The following CDK17 variants were observed in gnomAD, a reference collection of about 807,000 sequenced individuals.
CDK17 encodes cyclin-dependent kinase 17.
A neutral mutation model predicts 77.6 loss-of-function variants in CDK17; 24 were observed. That is an observed-to-expected ratio of 0.31 (90% CI 0.22 to 0.44). CDK17 has a LOEUF of 0.44. Ranked by LOEUF, CDK17 falls within the 20% of genes least tolerant of loss-of-function variation. The pLI is 1.00. For missense variants in CDK17, 429 were observed against 622.5 expected, an observed-to-expected ratio of 0.69 and a Z score of 3.31; for synonymous variants, 203 against 210.4, an observed-to-expected ratio of 0.96 and a Z score of 0.30.
chr12:96,307,371 G>T (rs957749941), intron 5 of CDK17, among the ~76,000 whole-genome samples: 1 of 151,944 alleles, frequency 6.6e-6, no homozygotes, highest in African/African-American at 2.4e-5. Flanking sequence ...TTCATTAGAG[G>T]GCACTGTTTT....
intron 3 of CDK17, among the ~76,000 whole-genome samples, chr12:96,319,937 A>G (rs1408351836): frequency 2.7e-5 from 4 of 148,670 alleles, no homozygotes; most frequent in Non-Finnish European, 6.0e-5. Context: ...ATAGTGTTGG[A>G]AGTTCTGGCC....
intron 1 of CDK17, among the ~76,000 whole-genome samples, chr12:96,341,479 A>G (rs552379144): frequency 6.6e-6 from 1 of 152,350 alleles, no homozygotes; most frequent in South Asian, 2.1e-4. Flanking sequence ...ATGACAGCAT[A>G]TAACTCTCCA....
intron 1 of CDK17, among the ~76,000 whole-genome samples, chr12:96,368,276 C>G (rs2137202055): frequency 6.6e-6 from 1 of 152,308 alleles, no homozygotes; most frequent in South Asian, 2.1e-4. Flanking sequence ...GTGGCTATAT[C>G]TTCCCATGTA....
chr12:96,383,405 A>G (rs1163629083), intron 1 of CDK17, among the ~76,000 whole-genome samples: 1 of 20,130 alleles, frequency 5.0e-5, no homozygotes. Context: ...AAATTAGAAG[A>G]AAAAAAAAAA....
At chr12:96,337,029 T>C (rs1465403475) in intron 1 of CDK17, among the ~76,000 whole-genome samples, 5 of 152,332 alleles carry the variant, frequency 3.3e-5, no homozygotes, top group African/African-American at 1.2e-4. Flanking sequence ...GGAAAAAACG[T>C]AGAGCCTCCA....
intron 5 of CDK17, among the ~76,000 whole-genome samples, chr12:96,308,061 A>G (rs1162794584): frequency 6.6e-6 from 1 of 151,972 alleles, no homozygotes; most frequent in Non-Finnish European, 1.5e-5. Flanking sequence ...TATGTCACCA[A>G]AATATTTTGT....
At chr12:96,323,863 T>G (rs566454031) in intron 3 of CDK17, 85 bp downstream of exon 3, 1 of 920,250 alleles carries the variant, frequency 1.1e-6, no homozygotes, top group East Asian at 2.7e-5. Context: ...AGAAACGAGA[T>G]AATAAAAGTT....
Position 96,311,193 on chromosome 12 carries a change from A to T in CDK17, c.418-16T>A, listed in dbSNP as rs767968685. 2 of 1,513,200 alleles carry T rather than the reference A, an allele frequency of 1.3e-6. No individual in the cohort carries two copies. The highest frequency in any genetic ancestry group is 1.8e-6 in the Non-Finnish European group (2 of 1,138,748). 93.7% of individuals were successfully genotyped at this position (1,513,200 alleles called of 1,614,324 possible). A position where few individuals can be genotyped will look rare whatever the true frequency, so the allele number is the denominator to read the frequency against. ...TATTTAAATCCTTAAAAAAAAAAAA[A>T]GGTAATCCAAAATAGTAAAGGCAAG... On this transcript the variant is annotated splice_polypyrimidine_tract_variant and intron_variant, in intron 4 of 16. Transcript: ENST00000261211.
chr12:96,373,565 A>T (rs1467611525), intron 1 of CDK17, among the ~76,000 whole-genome samples: 1 of 152,062 alleles, frequency 6.6e-6, no homozygotes, highest in Non-Finnish European at 1.5e-5. Context: ...ATTGCACCCC[A>T]GCCTAGGTGA....
chr12:96,284,350 ACT>A (rs1952218440), intron 13 of CDK17: 1 of 151,068 alleles, frequency 6.6e-6, no homozygotes, highest in Admixed American at 6.6e-5. Flanking sequence ...AGTCCCAGCT[ACT>A]CGGGAGGCTG....
At chr12:96,348,968 C>T (rs188277916) in intron 1 of CDK17, among the ~76,000 whole-genome samples, 104 of 152,230 alleles carry the variant, frequency 6.8e-4, no homozygotes, top group South Asian at 3.5e-3. Flanking sequence ...TACCCTGACA[C>T]CAAAGCCAAA....
intron 1 of CDK17, among the ~76,000 whole-genome samples, chr12:96,356,525 C>A (rs1458255139): frequency 1.3e-5 from 2 of 152,154 alleles, no homozygotes; most frequent in African/African-American, 4.8e-5. Context: ...CCCACCTGGG[C>A]CTCCTAAAGT....
In CDK17 at chr12:96,308,253, GTT is replaced by G. The variant is rs139654254; in HGVS notation, c.543+2797_543+2798del. Among the ~76,000 whole-genome samples the G allele has an allele frequency of 1.2e-3, 150 of 124,712 alleles. 2 individuals are homozygous for G. Among genetic ancestry groups the G allele is most frequent in the South Asian group, 3.0e-3 (12 of 4,044 alleles). The allele number at this position is 124,712 out of a possible 152,430, so 81.8% of individuals were successfully genotyped here. ...CTAAAAAAAAAAAAAAAAAAAAAAAGTTTTTTAATTAGCTGGGTGTGATGGTG... is the reference window on the plus strand; with the variant it reads ...CTAAAAAAAAAAAAAAAAAAAAAAAGTTTTAATTAGCTGGGTGTGATGGTG... On this transcript the variant is annotated intron_variant, in intron 5 of 16. Coordinates refer to ENST00000261211, the MANE Select transcript of CDK17 (RefSeq NM_002595.5).
chr12:96,327,103 G>T (rs573610130), intron 2 of CDK17, among the ~76,000 whole-genome samples: 1 of 152,238 alleles, frequency 6.6e-6, no homozygotes, highest in South Asian at 2.1e-4. Flanking sequence ...ATCAACACAG[G>T]TGAGGACATG....
intron 5 of CDK17, among the ~76,000 whole-genome samples, chr12:96,309,034 T>C (rs1425494734): frequency 2.6e-5 from 4 of 152,210 alleles, no homozygotes; most frequent in Non-Finnish European, 5.9e-5. Flanking sequence ...AATGTGACCA[T>C]GTCAGCCTTT....
At chr12:96,316,974 T>C (rs1469065254) in intron 3 of CDK17, among the ~76,000 whole-genome samples, 6 of 149,408 alleles carry the variant, frequency 4.0e-5, no homozygotes, top group Non-Finnish European at 8.9e-5. Context: ...TTTGACGAGC[T>C]GAGAGAAGAA....
intron 1 of CDK17, among the ~76,000 whole-genome samples, chr12:96,397,738 A>C (rs2137256616): frequency 6.6e-6 from 1 of 152,310 alleles, no homozygotes; most frequent in Admixed American, 6.5e-5. Context: ...CTAATTCGAT[A>C]CTGATAAATA....
At chr12:96,338,438 A>G (rs1245676560) in intron 1 of CDK17, among the ~76,000 whole-genome samples, 1 of 152,156 alleles carries the variant, frequency 6.6e-6, no homozygotes, top group Non-Finnish European at 1.5e-5. Context: ...GGTCTTGGGG[A>G]TTCCCAACGC....
intron 13 of CDK17, 159 bp downstream of exon 13, chr12:96,285,884 A>G: frequency 2.4e-6 from 1 of 410,880 alleles, no homozygotes; most frequent in Non-Finnish European, 4.5e-6. Context: ...AAACTCTAGA[A>G]TTCTAAAACA....
Sources: gnomAD v4.1 joint callset for allele counts (sites outside exome capture counted in the v4.1 genomes callset) on GRCh38, gnomAD v4.1.1 for gene constraint, MANE v1.5 for transcripts, NCBI Gene and HGNC (gene_info 2026-07-23, HGNC 2026-07-21) for gene names.